TPH2: variants seen among roughly 807,000 people sequenced by gnomAD.
The protein encoded by TPH2 is tryptophan 5-hydroxylase 2.
Under a neutral mutation model 59.1 loss-of-function variants are expected in TPH2, and 27 were observed. That is an observed-to-expected ratio of 0.46 (90% confidence interval 0.34 to 0.63). TPH2 has a LOEUF of 0.63. Among genes scored for constraint, TPH2 ranks in the 30% least tolerant of loss-of-function variants. TPH2 has a pLI of 0.01. For synonymous variants in TPH2, 220 were observed against 210.5 expected (o/e 1.05, Z -0.39); for missense variants, 523 against 588.3 (o/e 0.89, Z 1.15).
chr12:71,952,694 A>G (rs1871383243), intron 5 of TPH2, among the ~76,000 whole-genome samples: 1 of 152,164 alleles, frequency 6.6e-6, no homozygotes, highest in Admixed American at 6.5e-5. Flanking sequence ...ATTGGACTCC[A>G]ATAGTCTGGG....
chr12:71,993,895 G>T (rs940300955), intron 7 of TPH2, among the ~76,000 whole-genome samples: 1 of 152,116 alleles, frequency 6.6e-6, no homozygotes, highest in African/African-American at 2.4e-5. Context: ...TTTCTGTAAA[G>T]GGCCAGCTAG....
At position 72,023,821 on chromosome 12, in the gene TPH2, GAAA is replaced by G. The variant is rs767208238; in HGVS notation, c.1164+1340_1164+1342del. On this transcript the variant is annotated intron_variant, in intron 9 of 10. Coordinates refer to ENST00000333850, the MANE Select transcript of TPH2 (RefSeq NM_173353.4). ...CCTGGGAACAGAGGAGACTCTGACA[GAAA>G]AAAAAAAAAAAAGAAAATAATGATA... 3.6e-3 allele frequency among the ~76,000 whole-genome samples: 102 copies of G among 27,948 alleles called. 1 individual carries two copies. The highest frequency in any genetic ancestry group is 2.9e-3 in the South Asian group (3 of 1,026). 18.3% of individuals were successfully genotyped at this position (27,948 alleles called of 152,430 possible).
intron 5 of TPH2, among the ~76,000 whole-genome samples, chr12:71,970,927 T>G (rs1042466495): frequency 6.6e-6 from 1 of 152,366 alleles, no homozygotes; most frequent in South Asian, 2.1e-4. Context: ...TTATCCCTCA[T>G]GTACTGCAAT....
Position 71,956,497 on chromosome 12 carries a change from TTCCCTCCC to T in TPH2, c.608+6850_608+6857del, listed in dbSNP as rs1263249434. Reference sequence around the variant, plus strand: ...CCTCCTTCCCTCCTTCCCTCCTTCTTTCCCTCCCTCCCTCCTTCCCTCCTTCCCTCCTT... The same window carrying T: ...CCTCCTTCCCTCCTTCCCTCCTTCTTTCCCTCCTTCCCTCCTTCCCTCCTT... On this transcript the variant is annotated intron_variant, in intron 5 of 10. Transcript: ENST00000333850. Among the ~76,000 whole-genome samples the T allele has an allele frequency of 9.7e-4, 7 of 7,190 alleles. 1 individual carries two copies. Among genetic ancestry groups the T allele is most frequent in the Non-Finnish European group, 1.4e-3 (4 of 2,816 alleles). 4.7% of individuals were successfully genotyped at this position (7,190 alleles called of 152,430 possible).
chr12:71,983,282 G>A (rs1160216520), intron 7 of TPH2, among the ~76,000 whole-genome samples: 1 of 152,140 alleles, frequency 6.6e-6, no homozygotes, highest in East Asian at 1.9e-4. Context: ...CAGTGCCTGA[G>A]GCAATGAATC....
chr12:71,993,013 G>A (rs1188376907), intron 7 of TPH2, among the ~76,000 whole-genome samples: 5 of 152,220 alleles, frequency 3.3e-5, no homozygotes, highest in Non-Finnish European at 7.3e-5. Flanking sequence ...TACCAAAAAA[G>A]AAGTTATTGA....
At chr12:71,986,344 C>T (rs910822185) in intron 7 of TPH2, among the ~76,000 whole-genome samples, 4 of 152,134 alleles carry the variant, frequency 2.6e-5, no homozygotes, top group Non-Finnish European at 5.9e-5. Flanking sequence ...TACAAGGCCA[C>T]GTTCCTAGAC....
chr12:72,015,713 T>C (rs2139239400), intron 8 of TPH2, among the ~76,000 whole-genome samples: 1 of 152,308 alleles, frequency 6.6e-6, no homozygotes, highest in African/African-American at 2.4e-5. Flanking sequence ...TATCTTTTTG[T>C]TATGACTTGG....
Position 71,964,432 on chromosome 12 carries a change from G to A in TPH2, c.609-8087G>A, listed in dbSNP as rs899527531. 29 of 906,894 alleles carry A rather than the reference G, an allele frequency of 3.2e-5. No homozygotes were observed. The Admixed American group carries it at 1.1e-3, about 35-fold the overall frequency. The allele number at this position is 906,894 out of a possible 1,614,324, so 56.2% of individuals were successfully genotyped here. A position where few individuals can be genotyped will look rare whatever the true frequency, so the allele number is the denominator to read the frequency against. On this transcript the variant is annotated intron_variant, in intron 5 of 10. Coordinates refer to ENST00000333850, the MANE Select transcript of TPH2 (RefSeq NM_173353.4). ...CTAGTAGCTGGAATTATAGGCACAC[G>A]CCACCATGCCCGGTTAATTTTAGTA...
intron 7 of TPH2, among the ~76,000 whole-genome samples, chr12:71,992,447 A>C (rs1404368623): frequency 7.2e-6 from 1 of 138,642 alleles, no homozygotes; most frequent in Non-Finnish European, 1.5e-5. Context: ...TGACATTTCT[A>C]CAAAAAATTA....
intron 1 of TPH2, among the ~76,000 whole-genome samples, chr12:71,939,395 CA>C (rs5799057): frequency 0.16 from 19,782 of 121,370 alleles, 1,308 homozygotes; most frequent in East Asian, 0.24. Context: ...AATCTACAGC[CA>C]AAAAAAAAAA....
chr12:71,958,430 C>T (rs925018469), intron 5 of TPH2, among the ~76,000 whole-genome samples: 1 of 152,198 alleles, frequency 6.6e-6, no homozygotes, highest in Non-Finnish European at 1.5e-5. Context: ...AGTGACTTGG[C>T]ATTTGTAAAA....
chr12:71,977,282 C>T (rs1872147691), intron 6 of TPH2, among the ~76,000 whole-genome samples: 1 of 152,124 alleles, frequency 6.6e-6, no homozygotes, highest in Non-Finnish European at 1.5e-5. Context: ...GTCTCGAAGT[C>T]CTGGCTTCAA....
chr12:71,964,598 G>C (rs1871764282), intron 5 of TPH2: 1 of 985,164 alleles, frequency 1.0e-6, no homozygotes, highest in African/African-American at 1.7e-5. Context: ...CTGGATGCAG[G>C]TGATACTATT....
chr12:71,995,563 A>G (rs929711737), intron 8 of TPH2, among the ~76,000 whole-genome samples: 3 of 152,236 alleles, frequency 2.0e-5, no homozygotes, highest in Non-Finnish European at 2.9e-5. Flanking sequence ...TGATAAAAAT[A>G]TAGGAACTGG....
Position 72,031,255 on chromosome 12 carries a change from C to G in TPH2, c.1165-3C>G. 6.2e-7 allele frequency: 1 copy of G among 1,613,304 alleles called. No homozygotes were observed. On this transcript the variant is annotated splice_polypyrimidine_tract_variant and splice_region_variant and intron_variant, in intron 9 of 10. Coordinates refer to ENST00000333850, the MANE Select transcript of TPH2 (RefSeq NM_173353.4). ...TTAACAGGTTTTGTGGTATATTTTG[C>G]AGCACGCCCTTTCTGACAAGGCATG...
chr12:71,961,364 GGGTGAATAAATGAATGC>G (rs1255401026), intron 5 of TPH2, among the ~76,000 whole-genome samples: 3 of 152,224 alleles, frequency 2.0e-5, no homozygotes, highest in Non-Finnish European at 4.4e-5. Flanking sequence ...TGAAATGGGT[GGGTGAATAAATGAATGC>G]TGTTATTAAT....
intron 7 of TPH2, among the ~76,000 whole-genome samples, chr12:71,985,772 T>C (rs1872416756): frequency 1.3e-5 from 2 of 152,186 alleles, no homozygotes; most frequent in Non-Finnish European, 2.9e-5. Context: ...ATGGCTATTA[T>C]ATAGTTTAGT....
chr12:71,980,983 C>T (rs924405501), intron 7 of TPH2, among the ~76,000 whole-genome samples: 22 of 152,044 alleles, frequency 1.4e-4, no homozygotes, highest in African/African-American at 5.3e-4. Context: ...GATAGAAAAA[C>T]AAATAATTAG....
Sources: gnomAD v4.1 joint callset for allele counts (sites outside exome capture counted in the v4.1 genomes callset) on GRCh38, gnomAD v4.1.1 for gene constraint, MANE v1.5 for transcripts, NCBI Gene and HGNC (gene_info 2026-07-23, HGNC 2026-07-21) for gene names.